The following ESRRG variants were observed in gnomAD, a reference collection of about 807,000 sequenced individuals.
The protein encoded by ESRRG is estrogen-related receptor gamma.
In ESRRG, 13 loss-of-function variants were observed where a neutral mutation model predicts 44.0. The observed-to-expected ratio is 0.30, with a 90% CI of 0.19 to 0.47. ESRRG has a LOEUF of 0.47. ESRRG is among the 20% of genes least tolerant of loss of function. The probability of loss-of-function intolerance (pLI) is 1.00; values close to 1 mark genes in which losing one functional copy is unlikely to be tolerated. For synonymous variants in ESRRG, 215 were observed against 214.6 expected, an observed-to-expected ratio of 1.00 and a Z score of -0.02; for missense variants, 395 against 580.6, an observed-to-expected ratio of 0.68 and a Z score of 3.29.
intron 2 of ESRRG, among the ~76,000 whole-genome samples, chr1:216,789,877 T>G (rs1241834089): frequency 1.3e-5 from 2 of 152,176 alleles, no homozygotes; most frequent in Non-Finnish European, 2.9e-5. Flanking sequence ...TACTCGTCCA[T>G]CAAAATCTGT....
chr1:216,751,389 C>G, intron 2 of ESRRG, among the ~76,000 whole-genome samples: 1 of 152,104 alleles, frequency 6.6e-6, no homozygotes. Flanking sequence ...ATTCATCATA[C>G]TTCTGATTTA....
intron 3 of ESRRG, among the ~76,000 whole-genome samples, chr1:216,601,762 G>T (rs1185426681): frequency 6.6e-6 from 1 of 152,204 alleles, no homozygotes; most frequent in Non-Finnish European, 1.5e-5. Context: ...AGGCATAGAT[G>T]AAGGGGCTTG....
intron 3 of ESRRG, among the ~76,000 whole-genome samples, chr1:216,620,164 T>C (rs867929062): frequency 6.6e-6 from 1 of 152,220 alleles, no homozygotes; most frequent in Non-Finnish European, 1.5e-5. Flanking sequence ...ATCCCTACTG[T>C]GTAACTTACC....
chr1:216,694,929 A>G (rs2151786975), intron 1 of ESRRG, among the ~76,000 whole-genome samples: 1 of 152,184 alleles, frequency 6.6e-6, no homozygotes, highest in South Asian at 2.1e-4. Flanking sequence ...CATTCCTATC[A>G]TGTTTTAAGC....
intron 6 of ESRRG, among the ~76,000 whole-genome samples, chr1:216,517,945 A>G (rs6604626): frequency 0.51 from 77,864 of 151,996 alleles, 21,180 homozygotes; most frequent in East Asian, 0.72. Context: ...GTTGAAAACA[A>G]TTTCCCTCCT....
At chr1:217,000,678 C>T (rs893704981) in intron 1 of ESRRG, 1 of 152,190 alleles carries the variant, frequency 6.6e-6, no homozygotes, top group African/African-American at 2.4e-5. Flanking sequence ...TCAGATGTCT[C>T]CTTGTTGCAC....
intron 1 of ESRRG, among the ~76,000 whole-genome samples, chr1:217,055,439 T>C (rs909680403): frequency 5.3e-5 from 8 of 152,222 alleles, no homozygotes; most frequent in Non-Finnish European, 8.8e-5. Flanking sequence ...TTTCCTACAG[T>C]CCAGTGGCAG....
intron 2 of ESRRG, among the ~76,000 whole-genome samples, chr1:216,763,813 C>A (rs1357053328): frequency 1.3e-5 from 2 of 151,938 alleles, no homozygotes; most frequent in African/African-American, 4.8e-5. Context: ...TGTTTATGAT[C>A]CTTGGTTTTG....
intron 1 of ESRRG, among the ~76,000 whole-genome samples, chr1:217,132,505 T>C (rs1313087030): frequency 1.3e-5 from 2 of 152,196 alleles, no homozygotes; most frequent in Admixed American, 6.5e-5. Context: ...TTCAAGCTGA[T>C]TATCGCATCC....
At chr1:216,626,373 T>A (rs1173139391) in intron 3 of ESRRG, among the ~76,000 whole-genome samples, 2 of 152,186 alleles carry the variant, frequency 1.3e-5, no homozygotes, top group Non-Finnish European at 2.9e-5. Flanking sequence ...AAAGCATTTT[T>A]CCCATGACTT....
chr1:217,052,798 T>C (rs1003509554), intron 1 of ESRRG, among the ~76,000 whole-genome samples: 1 of 152,176 alleles, frequency 6.6e-6, no homozygotes, highest in Non-Finnish European at 1.5e-5. Flanking sequence ...ATTCCTTAAG[T>C]GGTTTCTCCG....
intron 2 of ESRRG, among the ~76,000 whole-genome samples, chr1:216,792,396 GT>G (rs566625421): frequency 1.3e-5 from 2 of 151,676 alleles, no homozygotes; most frequent in Non-Finnish European, 1.5e-5. Context: ...TATTTCCAGG[GT>G]TTTTTTTGCC....
chr1:216,507,339 T>A (rs549818166), intron 6 of ESRRG, among the ~76,000 whole-genome samples, 156 bp from the exon 7 acceptor site: 1 of 152,206 alleles, frequency 6.6e-6, no homozygotes, highest in African/African-American at 2.4e-5. Context: ...ACAATCTCTA[T>A]TTCTTTCCAA....
chr1:216,644,845 T>C (rs549459566), intron 3 of ESRRG, among the ~76,000 whole-genome samples: 2 of 152,310 alleles, frequency 1.3e-5, no homozygotes, highest in East Asian at 3.9e-4. Context: ...TATTGTTTCC[T>C]CCATAGGAAA....
intron 2 of ESRRG, among the ~76,000 whole-genome samples, chr1:216,843,164 T>G (rs2095680721): frequency 1.3e-5 from 2 of 151,948 alleles, no homozygotes; most frequent in Non-Finnish European, 2.9e-5. Context: ...TAAATTTCCA[T>G]GCATCTTTAC....
intron 1 of ESRRG, among the ~76,000 whole-genome samples, chr1:216,679,715 T>C (rs1164500468): frequency 1.3e-5 from 2 of 151,436 alleles, no homozygotes; most frequent in East Asian, 3.9e-4. Context: ...TTTCCCTCTC[T>C]CTCTTTTCCT....
chr1:217,137,156 T>C (rs528873207), intron 1 of ESRRG, among the ~76,000 whole-genome samples: 1 of 152,014 alleles, frequency 6.6e-6, no homozygotes, highest in Admixed American at 6.5e-5. Context: ...ACACAAGAGG[T>C]CAAACGCCTA....
At chr1:216,567,101 C>G (rs1312445203) in intron 4 of ESRRG, among the ~76,000 whole-genome samples, 2 of 152,132 alleles carry the variant, frequency 1.3e-5, no homozygotes, top group Non-Finnish European at 1.5e-5. Flanking sequence ...GATGCATTTT[C>G]CTCTGATGAG....
At chr1:216,814,647 A>T (rs2095077965) in intron 2 of ESRRG, among the ~76,000 whole-genome samples, 1 of 152,178 alleles carries the variant, frequency 6.6e-6, no homozygotes, top group Non-Finnish European at 1.5e-5. Flanking sequence ...CTTTTTGCTC[A>T]TCCCAGGAGT....
Sources: allele counts gnomAD v4.1 joint callset (sites outside exome capture counted in the v4.1 genomes callset), GRCh38; gene constraint gnomAD v4.1.1; transcripts MANE v1.5; gene names NCBI Gene and HGNC (gene_info 2026-07-23, HGNC 2026-07-21).